The following C14orf39 variants were observed in gnomAD, a reference collection of about 807,000 sequenced individuals.
C14orf39 encodes protein SIX6OS1.
A neutral mutation model predicts 85.6 loss-of-function variants in C14orf39; 66 were observed. That is an observed-to-expected ratio of 0.77 (90% CI 0.63 to 0.95). C14orf39 has a LOEUF of 0.95. C14orf39 is among the 40% of genes least tolerant of loss of function. The pLI, the probability that C14orf39 is intolerant of heterozygous loss-of-function variation, is 0.00. For synonymous variants in C14orf39, 242 were observed against 214.0 expected (o/e 1.13, Z -1.14); for missense variants, 735 against 663.9 (o/e 1.11, Z -1.18).
chr14:60,501,374 C>CCA lies in C14orf39; in HGVS notation c.-143-1946_-143-1945dup, dbSNP rs1893145455. On this transcript the variant is annotated intron_variant, in intron 1 of 5. Transcript: ENST00000556799. ...ATACAGGCAGAAAGAGTTTTCACAT[C>CCA]CACACATCCACACATAGGAGAGAAA... 2.7e-5 allele frequency among the ~76,000 whole-genome samples: 4 copies of CCA among 150,114 alleles called. No homozygotes were observed. The South Asian group carries it at 6.3e-4, about 24-fold the overall frequency.
intron 8 of C14orf39, among the ~76,000 whole-genome samples, chr14:60,469,281 T>C (rs1891950900): frequency 6.7e-6 from 1 of 148,924 alleles, no homozygotes; most frequent in South Asian, 2.1e-4. Context: ...CCCCAAAATA[T>C]ATTCAGTACC....
intron 14 of C14orf39, among the ~76,000 whole-genome samples, chr14:60,457,359 A>G (rs763556829): frequency 6.6e-6 from 1 of 151,906 alleles, no homozygotes; most frequent in African/African-American, 2.4e-5. Context: ...GCCAGAACAT[A>G]TTGGAATTGA....
chr14:60,497,722 T>A (rs537771684), intron 2 of C14orf39, among the ~76,000 whole-genome samples: 35 of 151,876 alleles, frequency 2.3e-4, no homozygotes, highest in Non-Finnish European at 4.1e-4. Flanking sequence ...CTAAAACTAT[T>A]TTTTTAAAAA....
upstream of C14orf39, among the ~76,000 whole-genome samples, chr14:60,486,312 C>T (rs1465133370): frequency 6.6e-6 from 1 of 152,174 alleles, no homozygotes; most frequent in Admixed American, 6.5e-5. Flanking sequence ...TTCTTGAAGA[C>T]AAGTGTTTTT....
chr14:60,482,743 G>C (rs927732541), intron 4 of C14orf39, among the ~76,000 whole-genome samples: 2 of 152,086 alleles, frequency 1.3e-5, no homozygotes, highest in Non-Finnish European at 2.9e-5. Context: ...ATACCACGGA[G>C]CTGTTAAAAA....
At chr14:60,510,010 G>A (rs1019938694) in intron 1 of C14orf39, 4 of 1,547,354 alleles carry the variant, frequency 2.6e-6, no homozygotes, top group East Asian at 2.4e-5. Context: ...GCGCACCGGG[G>A]AGGAGGCGGG....
chr14:60,479,010 T>A (rs1342845153), intron 4 of C14orf39, among the ~76,000 whole-genome samples: 2 of 152,106 alleles, frequency 1.3e-5, no homozygotes, highest in Non-Finnish European at 2.9e-5. Context: ...CGGCTTCCAG[T>A]GTAAGTATTT....
chr14:60,471,515 T>C, intron 6 of C14orf39, 37 bp downstream of exon 6: 1 of 1,569,980 alleles, frequency 6.4e-7, no homozygotes, highest in Non-Finnish European at 8.6e-7. Flanking sequence ...ATTACAAAGA[T>C]ATCATAATTA....
Position 60,466,967 on chromosome 14 carries a change from T to C in C14orf39, c.845A>G (p.Gln282Arg), listed in dbSNP as rs1191459644. 2.7e-6 allele frequency: 4 copies of C among 1,465,430 alleles called. No homozygotes were observed. The highest frequency in any genetic ancestry group is 1.5e-5 in the African/African-American group (1 of 68,496). The allele number at this position is 1,465,430 out of a possible 1,614,324, so 90.8% of individuals were successfully genotyped here. ...SSQLFLPYESQKLVRPIKMHS... is the reference protein window; with the variant it reads ...SSQLFLPYESRKLVRPIKMHS... The stretch of plus-strand genomic sequence containing the variant: ...CATCTTTATTGGTCTTACTAATTTC[T>C]GAGATTCATAAGGAAGAAATAATTG... Residue 282 changes from glutamine to arginine, a missense_variant, in exon 10 of 18, where the codon CAG (glutamine) becomes CGG (arginine). Coordinates refer to ENST00000321731, the MANE Select transcript of C14orf39 (RefSeq NM_174978.3).
chr14:60,472,383 A>T (rs3931460), intron 5 of C14orf39, among the ~76,000 whole-genome samples: 3 of 152,008 alleles, frequency 2.0e-5, no homozygotes, highest in South Asian at 2.1e-4. Flanking sequence ...TTAATTCTTG[A>T]AAAAGGACAT....
At chr14:60,439,486 G>A (rs1890405979) in intron 17 of C14orf39, among the ~76,000 whole-genome samples, 1 of 152,126 alleles carries the variant, frequency 6.6e-6, no homozygotes, top group Non-Finnish European at 1.5e-5. Flanking sequence ...TTAATGACTA[G>A]TTGAATGTAG....
intron 13 of C14orf39, among the ~76,000 whole-genome samples, chr14:60,460,191 G>T (rs1891454775): frequency 6.6e-6 from 1 of 151,646 alleles, no homozygotes; most frequent in African/African-American, 2.4e-5. Flanking sequence ...TTCATTCTTG[G>T]GTATGAAGCC....
At chr14:60,496,357 G>A in intron 2 of C14orf39, 1 of 346,494 alleles carries the variant, frequency 2.9e-6, no homozygotes, top group Non-Finnish European at 5.7e-6. Flanking sequence ...TCACATTTGT[G>A]TTGGCCACTT....
chr14:60,514,943 T>A (rs1452573008), intron 1 of C14orf39, among the ~76,000 whole-genome samples: 1 of 152,048 alleles, frequency 6.6e-6, no homozygotes, highest in South Asian at 2.1e-4. Context: ...TCAGGGCTAA[T>A]GACGGCGGCC....
chr14:60,514,832 C>T (rs1421510201), intron 1 of C14orf39, among the ~76,000 whole-genome samples: 2 of 152,214 alleles, frequency 1.3e-5, no homozygotes, highest in Non-Finnish European at 2.9e-5. Flanking sequence ...GACGCGAGAG[C>T]GCGGACGATT....
At chr14:60,467,078 A>C in intron 9 of C14orf39, 34 bp from the exon 10 acceptor site, 1 of 1,070,706 alleles carries the variant, frequency 9.3e-7, no homozygotes. Flanking sequence ...TAAATATTAG[A>C]TAAGTTAAAA....
At chr14:60,463,329 T>C (rs547472397) in intron 11 of C14orf39, among the ~76,000 whole-genome samples, 1 of 152,274 alleles carries the variant, frequency 6.6e-6, no homozygotes, top group Admixed American at 6.5e-5. Flanking sequence ...TAGTATACAT[T>C]GTGGATACCA....
chr14:60,501,478 G>C (rs1893146970), intron 1 of C14orf39, among the ~76,000 whole-genome samples: 1 of 152,164 alleles, frequency 6.6e-6, no homozygotes, highest in Admixed American at 6.5e-5. Flanking sequence ...GAAGCTGGAA[G>C]GGGCATGAAG....
chr14:60,490,994 G>C (rs1454045638), upstream of C14orf39, among the ~76,000 whole-genome samples: 2 of 152,126 alleles, frequency 1.3e-5, no homozygotes, highest in Admixed American at 1.3e-4. Flanking sequence ...CAGACTGTTA[G>C]GGTAAAATAC....
Sources: gnomAD v4.1 joint callset for allele counts (sites outside exome capture counted in the v4.1 genomes callset) on GRCh38, gnomAD v4.1.1 for gene constraint, MANE v1.5 for transcripts, NCBI Gene and HGNC (gene_info 2026-07-23, HGNC 2026-07-21) for gene names.